The following HOMER1 variants were observed in gnomAD, a reference collection of about 807,000 sequenced individuals.
The protein encoded by HOMER1 is homer protein homolog 1.
In HOMER1, 3 loss-of-function variants were observed where a neutral mutation model predicts 48.9. That is an observed-to-expected ratio of 0.06 (90% CI 0.03 to 0.16). The LOEUF is 0.16. Ranked by LOEUF, HOMER1 falls within the 10% of genes least tolerant of loss-of-function variation. The pLI, the probability that HOMER1 is intolerant of heterozygous loss-of-function variation, is 1.00. For missense variants in HOMER1, 247 were observed against 411.4 expected, an observed-to-expected ratio of 0.60 and a Z score of 3.46; for synonymous variants, 134 against 146.4, an observed-to-expected ratio of 0.92 and a Z score of 0.61.
intron 8 of HOMER1, among the ~76,000 whole-genome samples, chr5:79,377,638 A>T (rs2112181995): frequency 6.6e-6 from 1 of 152,324 alleles, no homozygotes; most frequent in South Asian, 2.1e-4. Flanking sequence ...TAATCTCTAA[A>T]GGAATTCTAT....
At chr5:79,469,340 TAA>T (rs1415849715) in intron 1 of HOMER1, among the ~76,000 whole-genome samples, 2 of 152,188 alleles carry the variant, frequency 1.3e-5, no homozygotes, top group Non-Finnish European at 2.9e-5. Flanking sequence ...CCAAATAAGT[TAA>T]ACTCCTGAGT....
chr5:79,441,498 G>A (rs1255920008), intron 4 of HOMER1, among the ~76,000 whole-genome samples: 1 of 152,028 alleles, frequency 6.6e-6, no homozygotes, highest in Non-Finnish European at 1.5e-5. Flanking sequence ...AGAGGTTGTA[G>A]CAATTCCAAC....
chr5:79,431,362 A>AT lies in HOMER1; in HGVS notation c.527+7647_527+7648insA, dbSNP rs1750420264. On this transcript the variant is annotated intron_variant, in intron 5 of 8. Transcript: ENST00000334082. The stretch of plus-strand genomic sequence containing the variant: ...ACATGCTAAGTGAAAGGAGCCAGTC[A>AT]CAAAGGCCACATATTATGATTCCAT... 6.0e-5 allele frequency among the ~76,000 whole-genome samples: 5 copies of AT among 83,176 alleles called. No individual in the cohort carries two copies. In the African/African-American group the frequency reaches 6.6e-4, roughly 11 times the overall value. 54.6% of individuals were successfully genotyped at this position (83,176 alleles called of 152,430 possible). A position where few individuals can be genotyped will look rare whatever the true frequency, so the allele number is the denominator to read the frequency against.
At chr5:79,468,547 CAT>C (rs1751537482) in intron 1 of HOMER1, among the ~76,000 whole-genome samples, 1 of 152,148 alleles carries the variant, frequency 6.6e-6, no homozygotes. Flanking sequence ...TTTCAAATAA[CAT>C]ATGTTGTTCA....
At chr5:79,396,294 A>T (rs954271193) in intron 8 of HOMER1, among the ~76,000 whole-genome samples, 20 of 98,666 alleles carry the variant, frequency 2.0e-4, no homozygotes, top group African/African-American at 1.5e-3. Flanking sequence ...AGTACATTGT[A>T]AAATAATAAT....
intron 5 of HOMER1, among the ~76,000 whole-genome samples, chr5:79,407,319 GAAAA>G (rs369393571): frequency 7.0e-6 from 1 of 143,770 alleles, no homozygotes; most frequent in East Asian, 2.0e-4. Flanking sequence ...CAAAAAGCAA[GAAAA>G]AAAAAACACT....
chr5:79,493,288 A>G (rs1459587224), intron 1 of HOMER1, among the ~76,000 whole-genome samples: 1 of 152,172 alleles, frequency 6.6e-6, no homozygotes, highest in Non-Finnish European at 1.5e-5. Context: ...GACGGCTTCA[A>G]GAACACCAGA....
chr5:79,503,406 T>C (rs1357129853), intron 1 of HOMER1, among the ~76,000 whole-genome samples: 1 of 151,594 alleles, frequency 6.6e-6, no homozygotes, highest in African/African-American at 2.4e-5. Context: ...AGCATGCGCC[T>C]GTAATCCCAG....
chr5:79,470,159 T>C (rs745481432), intron 1 of HOMER1, among the ~76,000 whole-genome samples: 9 of 152,184 alleles, frequency 5.9e-5, no homozygotes, highest in Non-Finnish European at 7.4e-5. Flanking sequence ...GGGAATCCTA[T>C]AGATAAACGG....
chr5:79,490,588 C>T (rs1752240437), intron 1 of HOMER1, among the ~76,000 whole-genome samples: 1 of 151,820 alleles, frequency 6.6e-6, no homozygotes, highest in East Asian at 1.9e-4. Context: ...CCATCACAGC[C>T]CCTAAAATCA....
intron 4 of HOMER1, among the ~76,000 whole-genome samples, chr5:79,440,924 A>C (rs1750719595): frequency 6.6e-6 from 1 of 152,150 alleles, no homozygotes; most frequent in South Asian, 2.1e-4. Context: ...TTGGGAGGCC[A>C]AGGCAGGCGG....
intron 8 of HOMER1, among the ~76,000 whole-genome samples, chr5:79,386,646 A>G (rs1451388049): frequency 6.6e-6 from 1 of 152,196 alleles, no homozygotes; most frequent in Non-Finnish European, 1.5e-5. Flanking sequence ...CACACAGATA[A>G]GTACTCAAGG....
At chr5:79,491,280 G>A (rs73124188) in intron 1 of HOMER1, among the ~76,000 whole-genome samples, 11,760 of 149,942 alleles carry the variant, frequency 0.078, 1,018 homozygotes, top group East Asian at 0.23. Context: ...AAAAATAGCC[G>A]GGCACAGTGG....
chr5:79,505,887 A>G (rs756594570), intron 1 of HOMER1, among the ~76,000 whole-genome samples: 23 of 152,176 alleles, frequency 1.5e-4, no homozygotes, highest in Non-Finnish European at 3.1e-4. Flanking sequence ...GTTATTAACT[A>G]AGTCAAATGT....
chr5:79,491,112 C>CAAAAAA (rs1752263888), intron 1 of HOMER1, among the ~76,000 whole-genome samples: 1 of 65,570 alleles, frequency 1.5e-5, no homozygotes, highest in Admixed American at 2.0e-4. Context: ...AAAAAAAAAG[C>CAAAAAA]TTGTCATGCT....
intron 1 of HOMER1, among the ~76,000 whole-genome samples, chr5:79,482,951 C>T (rs1383726263): frequency 6.6e-6 from 1 of 152,048 alleles, no homozygotes; most frequent in African/African-American, 2.4e-5. Context: ...TGCAGTGAGC[C>T]GTGATCATGC....
intron 2 of HOMER1, among the ~76,000 whole-genome samples, chr5:79,453,675 C>T (rs773988570): frequency 6.6e-5 from 10 of 152,136 alleles, no homozygotes; most frequent in Non-Finnish European, 1.3e-4. Context: ...GTATGGATCA[C>T]ACAGTGCCCT....
intron 1 of HOMER1, among the ~76,000 whole-genome samples, chr5:79,505,993 A>C (rs1026504244): frequency 6.6e-6 from 1 of 152,238 alleles, no homozygotes; most frequent in African/African-American, 2.4e-5. Flanking sequence ...AGAATAGTAA[A>C]AAAGATGACC....
At chr5:79,510,055 T>C (rs1752894063) in intron 1 of HOMER1, among the ~76,000 whole-genome samples, 1 of 152,176 alleles carries the variant, frequency 6.6e-6, no homozygotes, top group Non-Finnish European at 1.5e-5. Flanking sequence ...AAACATTTAT[T>C]AGGCATAAAT....
Sources: allele counts gnomAD v4.1 joint callset (sites outside exome capture counted in the v4.1 genomes callset), GRCh38; gene constraint gnomAD v4.1.1; transcripts MANE v1.5; gene names NCBI Gene and HGNC (gene_info 2026-07-23, HGNC 2026-07-21).